PAPPA2: variants seen among roughly 807,000 people sequenced by gnomAD.
PAPPA2 encodes the protein pappalysin-2.
PAPPA2 carries 86 observed loss-of-function variants against 176.4 expected under a neutral mutation model. The ratio of observed to expected loss-of-function variants is 0.49; its 90% CI spans 0.41 to 0.58. The LOEUF (loss-of-function observed/expected upper bound fraction) is 0.58. PAPPA2 is among the 20% of genes least tolerant of loss of function. The pLI, the probability that PAPPA2 is intolerant of heterozygous loss-of-function variation, is 0.00. For synonymous variants in PAPPA2, 809 were observed against 852.2 expected (o/e 0.95, Z 0.88); for missense variants, 2,073 against 2,256.9 (o/e 0.92, Z 1.65).
At chr1:176,787,495 C>A (rs1664992839) in intron 17 of PAPPA2, among the ~76,000 whole-genome samples, 1 of 152,084 alleles carries the variant, frequency 6.6e-6, no homozygotes, top group Non-Finnish European at 1.5e-5. Flanking sequence ...CTCAGCTTCT[C>A]AAAGTGCTGG....
intron 1 of PAPPA2, among the ~76,000 whole-genome samples, chr1:176,464,339 C>A (rs1472349603): frequency 6.6e-6 from 1 of 152,126 alleles, no homozygotes; most frequent in East Asian, 1.9e-4. Flanking sequence ...TGTATTTATT[C>A]TATCTACTCA....
intron 3 of PAPPA2, among the ~76,000 whole-genome samples, chr1:176,639,048 GCTGA>G (rs1466180667): frequency 1.3e-5 from 2 of 151,112 alleles, no homozygotes; most frequent in African/African-American, 4.9e-5. Flanking sequence ...AGTTAGAAAT[GCTGA>G]CTTTTTTAAA....
chr1:176,744,158 G>A (rs1327368936), intron 14 of PAPPA2, among the ~76,000 whole-genome samples: 4 of 151,972 alleles, frequency 2.6e-5, no homozygotes, highest in African/African-American at 9.7e-5. Flanking sequence ...AATTTTTTGT[G>A]AGCCTTTTAT....
intron 3 of PAPPA2, among the ~76,000 whole-genome samples, chr1:176,620,420 G>A (rs190032203): frequency 2.5e-4 from 38 of 152,188 alleles, no homozygotes; most frequent in African/African-American, 8.2e-4. Flanking sequence ...TGCAAAAAAG[G>A]AAAATTGATT....
intron 1 of PAPPA2, among the ~76,000 whole-genome samples, chr1:176,483,458 A>ATTTT (rs1652500340): frequency 8.4e-6 from 1 of 119,474 alleles, no homozygotes; most frequent in African/African-American, 3.2e-5. Flanking sequence ...AAACTCAGAC[A>ATTTT]TCTTTTTTTT....
At chr1:176,714,502 T>C (rs1165456220) in intron 12 of PAPPA2, among the ~76,000 whole-genome samples, 1 of 152,100 alleles carries the variant, frequency 6.6e-6, no homozygotes, top group Non-Finnish European at 1.5e-5. Context: ...ATTAAACTTT[T>C]AAAAAATAAC....
At chr1:176,749,820 T>A (rs1314785090) in intron 14 of PAPPA2, among the ~76,000 whole-genome samples, 2 of 152,236 alleles carry the variant, frequency 1.3e-5, no homozygotes, top group East Asian at 3.8e-4. Flanking sequence ...TTTCTTTTTA[T>A]CATTCAATAA....
intron 1 of PAPPA2, among the ~76,000 whole-genome samples, chr1:176,477,200 T>G (rs1181904838): frequency 3.3e-5 from 5 of 152,220 alleles, no homozygotes; most frequent in African/African-American, 1.2e-4. Flanking sequence ...GATCATAGTC[T>G]CATTGCATAT....
At chr1:176,695,912 G>T in intron 7 of PAPPA2, 53 bp downstream of exon 7, 1 of 1,601,572 alleles carries the variant, frequency 6.2e-7, no homozygotes. Flanking sequence ...TGAGGATGGG[G>T]GTGGAGGTAA....
chr1:176,620,412 C>CA (rs910654596), intron 3 of PAPPA2, among the ~76,000 whole-genome samples: 2 of 151,912 alleles, frequency 1.3e-5, no homozygotes, highest in Non-Finnish European at 2.9e-5. Context: ...ATTTAATCTG[C>CA]AAAAAAGGAA....
rs371117842 is a variant in PAPPA2 at position 176,844,878 on chromosome 1, A to T, written c.*2424A>T. On this transcript the variant is annotated 3_prime_UTR_variant, in exon 23 of 23. Transcript: ENST00000367662. ...TCTCTCCACAAGAGCAACAGTAAGA[A>T]CATTTCTGTTTTAAATTTCATTTTA... 15 of 152,272 alleles carry T rather than the reference A, an allele frequency of 9.9e-5. No homozygotes were observed. In the East Asian group the frequency reaches 1.7e-3, roughly 18 times the overall value. 9.4% of individuals were successfully genotyped at this position (152,272 alleles called of 1,614,324 possible).
chr1:176,486,442 C>T (rs571284941), intron 1 of PAPPA2, among the ~76,000 whole-genome samples: 2 of 152,158 alleles, frequency 1.3e-5, no homozygotes, highest in Non-Finnish European at 2.9e-5. Context: ...TAGACAGGTA[C>T]AGACATCTCT....
chr1:176,477,175 C>A (rs1052193855), intron 1 of PAPPA2, among the ~76,000 whole-genome samples: 31 of 152,118 alleles, frequency 2.0e-4, no homozygotes, highest in African/African-American at 7.2e-4. Flanking sequence ...AATCTACCAC[C>A]CCACTTCCTC....
At chr1:176,811,540 G>A (rs555953418) in intron 21 of PAPPA2, among the ~76,000 whole-genome samples, 2 of 152,190 alleles carry the variant, frequency 1.3e-5, no homozygotes, top group Non-Finnish European at 2.9e-5. Context: ...CCAATAATAG[G>A]GACAGCTACT....
At chr1:176,616,851 A>C (rs1655292242) in intron 3 of PAPPA2, 1 of 541,492 alleles carries the variant, frequency 1.8e-6, no homozygotes, top group Non-Finnish European at 3.3e-6. Context: ...GAATACAGAA[A>C]TGATTCAAAG....
intron 17 of PAPPA2, 21 bp from the exon 18 acceptor site, chr1:176,789,784 CTATT>C (rs1240019864): frequency 6.3e-7 from 1 of 1,595,482 alleles, no homozygotes; most frequent in Non-Finnish European, 8.5e-7. Flanking sequence ...TTCTGATGAG[CTATT>C]TTTGTTTTAT....
intron 1 of PAPPA2, among the ~76,000 whole-genome samples, chr1:176,534,690 C>T (rs530211876): frequency 6.6e-6 from 1 of 152,238 alleles, no homozygotes; most frequent in African/African-American, 2.4e-5. Flanking sequence ...AGAAGCAATG[C>T]GGTTTATCTC....
At chr1:176,606,582 A>G (rs2102670742) in intron 3 of PAPPA2, among the ~76,000 whole-genome samples, 1 of 152,266 alleles carries the variant, frequency 6.6e-6, no homozygotes, top group East Asian at 1.9e-4. Context: ...CTTCTGCCTC[A>G]GCCTCCCGAG....
At chr1:176,667,389 A>G (rs1341300461) in intron 3 of PAPPA2, among the ~76,000 whole-genome samples, 5 of 152,228 alleles carry the variant, frequency 3.3e-5, no homozygotes, top group Non-Finnish European at 5.9e-5. Context: ...CAGAGTAACC[A>G]GAAAACAGAA....
Sources: gnomAD v4.1 joint callset for allele counts (sites outside exome capture counted in the v4.1 genomes callset) on GRCh38, gnomAD v4.1.1 for gene constraint, MANE v1.5 for transcripts, NCBI Gene and HGNC (gene_info 2026-07-23, HGNC 2026-07-21) for gene names.